The following RASSF8 variants were observed in gnomAD, a reference collection of about 807,000 sequenced individuals.
RASSF8 encodes the protein ras association domain-containing protein 8.
RASSF8 carries 22 observed loss-of-function variants against 48.5 expected under a neutral mutation model. That is an observed-to-expected ratio of 0.45 (90% CI 0.32 to 0.65). RASSF8 has a LOEUF of 0.65. Ranked by LOEUF, RASSF8 falls within the 30% of genes least tolerant of loss-of-function variation. RASSF8 has a pLI of 0.03. For missense variants in RASSF8, 418 were observed against 489.2 expected, an observed-to-expected ratio of 0.85 and a Z score of 1.37; for synonymous variants, 127 against 171.5, an observed-to-expected ratio of 0.74 and a Z score of 2.03.
intron 3 of RASSF8, among the ~76,000 whole-genome samples, chr12:26,062,239 C>G (rs997923422): frequency 6.6e-6 from 1 of 152,142 alleles, no homozygotes; most frequent in African/African-American, 2.4e-5. Flanking sequence ...ACACATGGGA[C>G]AGTTTTAACA....
intron 2 of RASSF8, among the ~76,000 whole-genome samples, chr12:25,997,282 A>T (rs919661401): frequency 6.6e-6 from 1 of 152,160 alleles, no homozygotes; most frequent in Non-Finnish European, 1.5e-5. Flanking sequence ...CTTCCCATAA[A>T]ATACGTTAGT....
At chr12:26,066,979 A>G (rs1282676389) in intron 4 of RASSF8, among the ~76,000 whole-genome samples, 3 of 152,254 alleles carry the variant, frequency 2.0e-5, no homozygotes, top group Non-Finnish European at 4.4e-5. Flanking sequence ...CCATAGTGAG[A>G]ATCTTGTGGG....
intron 1 of RASSF8, among the ~76,000 whole-genome samples, chr12:25,977,804 A>G (rs1941643907): frequency 6.6e-6 from 1 of 152,330 alleles, no homozygotes; most frequent in Admixed American, 6.5e-5. Flanking sequence ...AAAGATAACT[A>G]GTTTTTATCA....
chr12:26,006,510 G>C (rs1046489259), intron 2 of RASSF8, among the ~76,000 whole-genome samples: 1 of 152,200 alleles, frequency 6.6e-6, no homozygotes, highest in Non-Finnish European at 1.5e-5. Context: ...AAATAGTACT[G>C]TTTTTCCCAA....
chr12:26,025,163 T>C (rs1289411643), intron 2 of RASSF8, among the ~76,000 whole-genome samples: 1 of 152,174 alleles, frequency 6.6e-6, no homozygotes, highest in Admixed American at 6.5e-5. Context: ...GACTGAATGC[T>C]TTCTCCTGAA....
upstream of RASSF8, chr12:25,958,551 G>C (rs1335389189): frequency 1.3e-5 from 2 of 149,252 alleles, no homozygotes; most frequent in Non-Finnish European, 3.0e-5. Flanking sequence ...TGAAACCCGA[G>C]CGCCCGGCCG....
At chr12:25,976,573 A>G (rs965353116) in intron 1 of RASSF8, among the ~76,000 whole-genome samples, 16 of 152,238 alleles carry the variant, frequency 1.1e-4, no homozygotes, top group Admixed American at 1.3e-4. Context: ...GAAGTGGCCA[A>G]TGGGAAACTT....
chr12:25,993,827 T>G (rs1942069511), intron 1 of RASSF8, among the ~76,000 whole-genome samples: 1 of 152,110 alleles, frequency 6.6e-6, no homozygotes, highest in South Asian at 2.1e-4. Context: ...ACCTATGTAT[T>G]TTTATTAGAA....
intron 2 of RASSF8, among the ~76,000 whole-genome samples, chr12:26,050,839 G>T (rs1943475312): frequency 6.6e-6 from 1 of 152,082 alleles, no homozygotes; most frequent in South Asian, 2.1e-4. Context: ...TAGATTCTTT[G>T]AATTAATTAA....
chr12:25,969,257 T>A (rs563774644), intron 1 of RASSF8, among the ~76,000 whole-genome samples: 3 of 152,252 alleles, frequency 2.0e-5, no homozygotes, highest in Non-Finnish European at 4.4e-5. Context: ...ACTCCGGAGC[T>A]GGCTACTGCG....
chr12:26,020,927 TATATTA>T (rs2137062425), intron 2 of RASSF8, among the ~76,000 whole-genome samples: 1 of 152,306 alleles, frequency 6.6e-6, no homozygotes, highest in African/African-American at 2.4e-5. Flanking sequence ...AAGGACTAAA[TATATTA>T]ATATTTTCTA....
rs1943210722 is a variant in RASSF8, at chr12:26,039,077, A to G, written c.-108-16159A>G. ...AGGAACATCATGGATGTTCCTTGTG[A>G]TTGGGAAAGGAATGATCCACGGCAG... On this transcript the variant is annotated intron_variant, in intron 2 of 5. Transcript: ENST00000689635. Among the ~76,000 whole-genome samples, 3 of 152,212 alleles carry G rather than the reference A, an allele frequency of 2.0e-5. No individual in the cohort carries two copies. In the South Asian group the frequency reaches 6.2e-4, roughly 32 times the overall value.
At chr12:26,021,162 CAT>C (rs1942778508) in intron 2 of RASSF8, among the ~76,000 whole-genome samples, 1 of 151,740 alleles carries the variant, frequency 6.6e-6, no homozygotes, top group African/African-American at 2.4e-5. Flanking sequence ...GCAAAACAAA[CAT>C]AATTGGTAAA....
rs576782252 is a variant in RASSF8, at chr12:25,969,654, G to T, written c.-203+10506G>T. Among the ~76,000 whole-genome samples, 5 of 152,202 alleles carry T rather than the reference G, an allele frequency of 3.3e-5. No individual in the cohort carries two copies. In the East Asian group the frequency reaches 9.7e-4, roughly 30 times the overall value. On this transcript the variant is annotated intron_variant, in intron 1 of 5. Coordinates refer to ENST00000689635, the MANE Select transcript of RASSF8 (RefSeq NM_001394098.1). ...TGGGTATATTTTGGCGGGGTGGCTG[G>T]AGGATTGGATCTGCTTTTCTTTCCA...
chr12:25,958,762 C>T lies in RASSF8; in HGVS notation c.-589C>T, dbSNP rs558370652. ...CTACGCCCGCGCTCGTCCGGCGCCC[C>T]GCGCCGCGCCCCGCTCAGCGTCTGC... On this transcript the variant is annotated 5_prime_UTR_variant, in exon 1 of 6. Transcript: ENST00000689635. Among the ~76,000 whole-genome samples the T allele has an allele frequency of 1.5e-3, 215 of 147,022 alleles. 1 individual carries two copies. Among genetic ancestry groups the T allele is most frequent in the African/African-American group, 5.0e-3 (204 of 41,028 alleles).
chr12:26,014,667 C>T (rs1486406760), intron 2 of RASSF8, among the ~76,000 whole-genome samples: 4 of 151,872 alleles, frequency 2.6e-5, no homozygotes, highest in African/African-American at 7.3e-5. Flanking sequence ...TTTGACAATA[C>T]TCATAGTTTG....
intron 4 of RASSF8, among the ~76,000 whole-genome samples, chr12:26,066,267 G>A (rs1457562193): frequency 1.3e-5 from 2 of 152,180 alleles, no homozygotes; most frequent in Non-Finnish European, 2.9e-5. Context: ...TCAAAGTGTA[G>A]TCCATGCCAG....
intron 2 of RASSF8, among the ~76,000 whole-genome samples, chr12:26,019,299 A>G (rs1010609664): frequency 2.0e-5 from 3 of 152,200 alleles, no homozygotes; most frequent in Non-Finnish European, 4.4e-5. Context: ...TATAGAAGCA[A>G]TTTCTAAAAG....
At chr12:26,002,787 G>A (rs989003193) in intron 2 of RASSF8, among the ~76,000 whole-genome samples, 3 of 152,178 alleles carry the variant, frequency 2.0e-5, no homozygotes, top group Non-Finnish European at 4.4e-5. Context: ...CTCTGGCTAG[G>A]ACCTCCAGTG....
Sources: gnomAD v4.1 joint callset for allele counts (sites outside exome capture counted in the v4.1 genomes callset) on GRCh38, gnomAD v4.1.1 for gene constraint, MANE v1.5 for transcripts, NCBI Gene and HGNC (gene_info 2026-07-23, HGNC 2026-07-21) for gene names.